The following PSG8 variants were observed in gnomAD, a reference collection of about 807,000 sequenced individuals.
PSG8 encodes pregnancy-specific beta-1-glycoprotein 8.
A neutral mutation model predicts 42.5 loss-of-function variants in PSG8; 57 were observed. The ratio of observed to expected loss-of-function variants is 1.34; its 90% CI spans 1.08 to 1.67. PSG8 has a LOEUF of 1.67. Ranked by LOEUF, PSG8 falls within the 40% of genes most tolerant of loss-of-function variation. The pLI is 0.00. For synonymous variants in PSG8, 280 were observed against 196.8 expected (o/e 1.42, Z -3.54); for missense variants, 783 against 518.6 (o/e 1.51, Z -4.95).
At position 42,758,185 on chromosome 19, in the gene PSG8, C is replaced by T. The variant is rs532578985; in HGVS notation, c.526G>A (p.Ala176Thr). The change falls in exon 3 of 5, where the codon GCA (alanine) becomes ACA (threonine). Residue 176 changes from alanine to threonine, a missense_variant. Coordinates refer to ENST00000306511, the MANE Select transcript of PSG8 (RefSeq NM_182707.3). ...SLTCDPETPDASYLWWMNGQS... is the reference protein window; with the variant it reads ...SLTCDPETPDTSYLWWMNGQS... ...CCATTCATCCACCACAGGTAGCTTG[C>T]GTCCGGAGTCTCAGGATCACAGGTT... is the stretch of plus-strand genomic sequence containing the variant. The T allele has an allele frequency of 2.8e-5, 45 of 1,614,016 alleles. No individual in the cohort carries two copies. The East Asian group carries it at 6.2e-4, about 22-fold the overall frequency.
downstream of PSG8, chr19:42,752,832 T>G: frequency 5.1e-6 from 1 of 195,612 alleles, no homozygotes; most frequent in Admixed American, 5.3e-5. Context: ...TTCCTACCTC[T>G]TCATAGAAAC....
chr19:42,761,761 C>T (rs1346411971), intron 2 of PSG8, among the ~76,000 whole-genome samples: 2 of 150,920 alleles, frequency 1.3e-5, no homozygotes, highest in Non-Finnish European at 3.0e-5. Context: ...CTCTGTCCTC[C>T]TGTTTGGCAG....
Position 42,764,427 on chromosome 19 carries a change from C to T in PSG8, c.65-146G>A, listed in dbSNP as rs534164673. 4.8e-4 allele frequency: 666 copies of T among 1,374,170 alleles called. 2 individuals carry two copies. The highest frequency in any genetic ancestry group is 6.2e-4 in the Non-Finnish European group (627 of 1,012,600). 85.1% of individuals were successfully genotyped at this position (1,374,170 alleles called of 1,614,324 possible). On this transcript the variant is annotated intron_variant, in intron 1 of 4. Coordinates refer to ENST00000306511, the MANE Select transcript of PSG8 (RefSeq NM_182707.3). ...ATACAAACACACGCACACACACACA[C>T]AAAAGCGGCATGTGTGTCTGTGTGT... is the stretch of plus-strand genomic sequence containing the variant.
Position 42,758,101 on chromosome 19 carries a change from G to T in PSG8, c.610C>A (p.Leu204Ile), listed in dbSNP as rs373585002. The change falls in exon 3 of 5, where the codon CTA (leucine) becomes ATA (isoleucine). Residue 204 changes from leucine to isoleucine, a missense_variant. By Grantham distance (5) the Leu-to-Ile change is conservative. Coordinates refer to ENST00000306511, the MANE Select transcript of PSG8 (RefSeq NM_182707.3). Reference sequence around the variant, plus strand: ...GCAGTGTACTTTGTGACACCCAATAGAAAGAGGGTCCTGTTGGTTTCAGAC... The same window carrying T: ...GCAGTGTACTTTGTGACACCCAATATAAAGAGGGTCCTGTTGGTTTCAGAC... ...QLSETNRTLF[L>I]LGVTKYTAGP... The T allele has an allele frequency of 3.7e-6, 6 of 1,613,914 alleles. No homozygotes were observed. The African/African-American group carries it at 5.3e-5, about 14-fold the overall frequency.
Position 42,755,074 on chromosome 19 carries a change from G to A in PSG8, c.902C>T (p.Thr301Met), listed in dbSNP as rs558641447. The change falls in exon 4 of 5, where the codon ACG becomes ATG. Residue 301 changes from threonine to methionine, a missense_variant. Transcript: ENST00000306511. ...ENRILILPSV[T>M]RNETGPYQCE... The stretch of plus-strand genomic sequence containing the variant: ...TTGATAGGGTCCTGTTTCATTTCTC[G>A]TGACACTGGGTAGAATGAGGATCCT... The A allele has an allele frequency of 3.1e-5, 50 of 1,612,352 alleles. No homozygotes were observed. The highest frequency in any genetic ancestry group is 2.0e-4 in the African/African-American group (15 of 74,932).
At chr19:42,763,749 T>C (rs1970135352) in intron 2 of PSG8, 167 bp downstream of exon 2, 3 of 1,337,634 alleles carry the variant, frequency 2.2e-6, no homozygotes, top group Non-Finnish European at 3.2e-6. Flanking sequence ...TTCTGATCTG[T>C]TGAAATTTGT....
chr19:42,763,218 T>A (rs1047010172), intron 2 of PSG8, among the ~76,000 whole-genome samples: 2 of 152,190 alleles, frequency 1.3e-5, no homozygotes, highest in African/African-American at 4.8e-5. Context: ...TTCTCTCTTG[T>A]GTTTCTGCTT....
In PSG8 at chr19:42,755,813, C is replaced by T. The variant is rs972726132; in HGVS notation, c.710-547G>A. 21 of 160,600 alleles carry T rather than the reference C, an allele frequency of 1.3e-4. 1 individual carries two copies. Among genetic ancestry groups the T allele is most frequent in the Admixed American group, 1.2e-3 (21 of 17,608 alleles). 9.9% of individuals were successfully genotyped at this position (160,600 alleles called of 1,614,324 possible). On this transcript the variant is annotated intron_variant, in intron 3 of 4. Transcript: ENST00000306511. ...TAACACAGGGGAGACCAGAATCAAG[C>T]CTGGAGGTCAGTTCAGTCATCAGGC... is the stretch of plus-strand genomic sequence containing the variant.
chr19:42,764,255 G>A lies in PSG8; in HGVS notation c.91C>T (p.Pro31Ser). ...TCAATCGTGACTTGGGCAGTCGTGGGTGGGTTCCAGAAGTTTAAAAGTGAT... is the reference window on the plus strand; with the variant it reads ...TCAATCGTGACTTGGGCAGTCGTGGATGGGTTCCAGAAGTTTAAAAGTGAT... ...TASLLNFWNP[P>S]TTAQVTIEAQ... The change falls in exon 2 of 5, where the codon CCC becomes TCC. Residue 31 changes from proline to serine, a missense_variant. Transcript: ENST00000306511. The A allele has an allele frequency of 2.5e-6, 4 of 1,613,578 alleles. No homozygotes were observed. The highest frequency in any genetic ancestry group is 2.5e-6 in the Non-Finnish European group (3 of 1,179,738).
intron 1 of PSG8, 45 bp downstream of exon 1, chr19:42,765,473 C>G: frequency 6.2e-7 from 1 of 1,606,122 alleles, no homozygotes. Context: ...CATCCAGTCA[C>G]TCTGCTTCCT....
intron 4 of PSG8, 51 bp downstream of exon 4, chr19:42,754,937 G>A (rs752458187): frequency 2.5e-6 from 4 of 1,576,720 alleles, no homozygotes; most frequent in African/African-American, 2.7e-5. Flanking sequence ...GCCTCTGGTC[G>A]TTTTGATTTA....
chr19:42,765,293 G>T (rs561875637), intron 1 of PSG8, among the ~76,000 whole-genome samples: 1 of 151,814 alleles, frequency 6.6e-6, no homozygotes, highest in African/African-American at 2.4e-5. Flanking sequence ...GCTAGGATTA[G>T]AGGAGCACAC....
chr19:42,763,919 A>G lies in PSG8; in HGVS notation c.427T>C (p.Tyr143His). The change falls in exon 2 of 5, where the codon TAT (tyrosine) becomes CAT (histidine). Residue 143 changes from tyrosine to histidine, a missense_variant. By Grantham distance (83) the Tyr-to-His change is moderately conservative. Coordinates refer to ENST00000306511, the MANE Select transcript of PSG8 (RefSeq NM_182707.3). Reference protein sequence around the residue: ...GVTGHFTFTLYLETPKPSISS... With the variant: ...GVTGHFTFTLHLETPKPSISS... ...GGGATCATGTGGAATCACTCACGAT[A>G]TAAGGTGAAGGTGAAATGTCCAGTT... The G allele has an allele frequency of 3.7e-6, 6 of 1,613,690 alleles. No individual in the cohort carries two copies. The highest frequency in any genetic ancestry group is 5.1e-6 in the Non-Finnish European group (6 of 1,179,754).
Position 42,764,202 on chromosome 19 carries a change from C to G in PSG8, c.144G>C (p.Gly48=). 6.2e-7 allele frequency: 1 copy of G among 1,613,574 alleles called. No individual in the cohort carries two copies. Among genetic ancestry groups the G allele is most frequent in the Non-Finnish European group, 8.5e-7 (1 of 1,179,598 alleles). Residue 48 remains glycine, a synonymous_variant, in exon 2 of 5, where the codon GGG becomes GGC. Coordinates refer to ENST00000306511, the MANE Select transcript of PSG8 (RefSeq NM_182707.3). ...TGTGGACAAGTAGAAGAACATCCTT[C>G]CCCTCAGAAACTTTGGTTGGCTGGG... The part of the protein sequence containing the change: ...IEAQPTKVSE[G]KDVLLLVHNL...
chr19:42,763,595 G>A (rs1053814267), intron 2 of PSG8: 1 of 440,586 alleles, frequency 2.3e-6, no homozygotes, highest in Non-Finnish European at 4.1e-6. Context: ...GCCCTACTCA[G>A]TTCTCCAGGG....
intron 3 of PSG8, among the ~76,000 whole-genome samples, chr19:42,756,492 G>T (rs1229496506): frequency 6.6e-6 from 1 of 152,142 alleles, no homozygotes; most frequent in Non-Finnish European, 1.5e-5. Flanking sequence ...TGAAATATTT[G>T]TCATATACTT....
chr19:42,758,201 A>G lies in PSG8; in HGVS notation c.510T>C (p.Asp170=), dbSNP rs139444715. 2.5e-6 allele frequency: 4 copies of G among 1,614,008 alleles called. No individual in the cohort carries two copies. Among genetic ancestry groups the G allele is most frequent in the Admixed American group, 1.7e-5 (1 of 60,000 alleles). The change falls in exon 3 of 5, where the codon GAT becomes GAC. Residue 170 remains aspartate, a synonymous_variant. Transcript: ENST00000306511. ...GGTAGCTTGCGTCCGGAGTCTCAGG[A>G]TCACAGGTTAAGCTCACAGCCTCCA... is the stretch of plus-strand genomic sequence containing the variant. ...EAMEAVSLTC[D]PETPDASYLW...
chr19:42,765,674 C>T lies in PSG8; in HGVS notation c.-93G>A. The T allele has an allele frequency of 5.9e-6, 9 of 1,528,832 alleles. No homozygotes were observed. Among genetic ancestry groups the T allele is most frequent in the South Asian group, 1.2e-5 (1 of 85,134 alleles). The allele number at this position is 1,528,832 out of a possible 1,614,324, so 94.7% of individuals were successfully genotyped here. On this transcript the variant is annotated 5_prime_UTR_variant, in exon 1 of 5. Transcript: ENST00000306511. ...GCTCTCAGCAGTGCTGTCCTGCCTC[C>T]TTCTGCGCTGAGCTTCTTCCCGGGG...
rs138900265 is a variant in PSG8 at position 42,763,974 on chromosome 19, G to C, written c.372C>G (p.Ile124Met). Reference protein sequence around the residue: ...QEDAGSYTLHIIMGGDENRGV... With the variant: ...QEDAGSYTLHMIMGGDENRGV... ...CTCTATTCTCATCACCTCCCATTAT[G>C]ATGTGTAAGGTGTAGGATCCTGCGT... The change falls in exon 2 of 5, where the codon ATC (isoleucine) becomes ATG (methionine). Residue 124 changes from isoleucine (I) to methionine (M), a missense_variant. By Grantham distance (10) the Ile-to-Met change is conservative. Coordinates refer to ENST00000306511, the MANE Select transcript of PSG8 (RefSeq NM_182707.3). The C allele has an allele frequency of 2.3e-5, 37 of 1,611,944 alleles. No individual in the cohort carries two copies. Among genetic ancestry groups the C allele is most frequent in the African/African-American group, 5.4e-5 (4 of 73,750 alleles).
Sources: allele counts gnomAD v4.1 joint callset (sites outside exome capture counted in the v4.1 genomes callset), GRCh38; gene constraint gnomAD v4.1.1; transcripts MANE v1.5; gene names NCBI Gene and HGNC (gene_info 2026-07-23, HGNC 2026-07-21).